The following SPACA6 variants were observed in gnomAD, a reference collection of about 807,000 sequenced individuals.
SPACA6 encodes sperm acrosome membrane-associated protein 6.
For missense variants in SPACA6, 8 were observed against 2.8 expected (o/e 2.88, Z -1.34); for synonymous variants, 6 against 1.5 (o/e 4.05, Z -2.21).
Position 51,696,772 on chromosome 19 carries a change from G to A in SPACA6, c.292+2217G>A, listed in dbSNP as rs1203833978. Among the ~76,000 whole-genome samples the A allele has an allele frequency of 2.6e-5, 4 of 152,126 alleles. No individual in the cohort carries two copies. In the South Asian group the frequency reaches 6.2e-4, roughly 24 times the overall value. On this transcript the variant is annotated intron_variant, in intron 2 of 8. Coordinates refer to ENST00000637797, the MANE Select transcript of SPACA6 (RefSeq NM_001316972.2). ...CTGGGTGATAATTTTAAATAGGTTG[G>A]TCAGGGCAGGTGGAAATGACAGGGT...
At chr19:51,701,186 C>T (rs892136523) in intron 2 of SPACA6, among the ~76,000 whole-genome samples, 1 of 152,152 alleles carries the variant, frequency 6.6e-6, no homozygotes, top group Non-Finnish European at 1.5e-5. Flanking sequence ...CGCACCACTG[C>T]ACTCCAGCCT....
chr19:51,713,070 A>G, downstream of SPACA6: 2 of 213,926 alleles, frequency 9.3e-6, no homozygotes, highest in Non-Finnish European at 1.8e-5. This position sits in a 1 kb window ranked among gnomAD's most constrained non-coding sequence, Gnocchi z 4.5. Context: ...CCAATTCTCA[A>G]TCATCCATTC....
At chr19:51,696,560 G>A (rs1390010453) in intron 2 of SPACA6, among the ~76,000 whole-genome samples, 1 of 151,836 alleles carries the variant, frequency 6.6e-6, no homozygotes, top group Non-Finnish European at 1.5e-5. Flanking sequence ...CGATCTTCCT[G>A]CCTCAGCCTC....
intron 2 of SPACA6, among the ~76,000 whole-genome samples, chr19:51,711,726 T>C (rs79215972): frequency 0.018 from 2,729 of 152,214 alleles, 36 homozygotes; most frequent in Non-Finnish European, 0.028. Context: ...AATGAATCAG[T>C]GATACATGCA....
At chr19:51,693,129 A>C, upstream of SPACA6, 1 of 389,272 alleles carries the variant, frequency 2.6e-6, no homozygotes, top group Non-Finnish European at 5.2e-6. Flanking sequence ...GCCCCTCCCG[A>C]TATCTCTCTG....
the SPACA6 span, among the ~76,000 whole-genome samples, chr19:51,683,706 G>A: frequency 6.6e-6 from 1 of 152,180 alleles, no homozygotes; most frequent in African/African-American, 2.4e-5. Flanking sequence ...GGTTTATTGT[G>A]TGCCAGGCAC....
chr19:51,686,161 A>AGAG (rs776471091), upstream of SPACA6: 1 of 152,218 alleles, frequency 6.6e-6, no homozygotes, highest in Non-Finnish European at 1.5e-5. Flanking sequence ...AGAACAGAAC[A>AGAG]GAGGCCTTAT....
In SPACA6 at chr19:51,703,356, G is replaced by A. The variant is rs2083485342; in HGVS notation, c.573+19G>A. 2 of 399,122 alleles carry A rather than the reference G, an allele frequency of 5.0e-6. No individual in the cohort carries two copies. Among genetic ancestry groups the A allele is most frequent in the African/African-American group, 2.1e-5 (1 of 48,594 alleles). 24.7% of individuals were successfully genotyped at this position (399,122 alleles called of 1,614,324 possible). On this transcript the variant is annotated intron_variant, in intron 6 of 8. Coordinates refer to ENST00000637797, the MANE Select transcript of SPACA6 (RefSeq NM_001316972.2). The surrounding 1 kb of genome is among the most constrained non-coding windows in gnomAD (Gnocchi z 4.2). ...AGGAGGTGTGAGTCGGGGCGGGGCC[G>A]GCGCGAAGAGTTTAGACGGGCGAGT...
the SPACA6 span, among the ~76,000 whole-genome samples, chr19:51,683,612 T>C: frequency 6.6e-6 from 1 of 152,198 alleles, no homozygotes; most frequent in Non-Finnish European, 1.5e-5. Flanking sequence ...AATATAAAAT[T>C]CTGTGCATGT....
Position 51,701,697 on chromosome 19 carries a change from TGAA to T in SPACA6, c.337_339del (p.Lys113del), listed in dbSNP as rs545469116. 1.9e-4 allele frequency: 77 copies of T among 398,602 alleles called. No homozygotes were observed. The highest frequency in any genetic ancestry group is 2.9e-4 in the Non-Finnish European group (66 of 226,002). 24.7% of individuals were successfully genotyped at this position (398,602 alleles called of 1,614,324 possible). On this transcript the variant is annotated inframe_deletion, in exon 3 of 9. Coordinates refer to ENST00000637797, the MANE Select transcript of SPACA6 (RefSeq NM_001316972.2). ...GCCTTCCCTGATGCTGCGGAGAAAA[TGAA>T]GAAGGTCATTACACAGCTTAAAGAA...
rs1299806247 is a variant in SPACA6, at chr19:51,703,386, C to A, written c.573+49C>A. On this transcript the variant is annotated intron_variant, in intron 6 of 8. Transcript: ENST00000637797. The surrounding 1 kb of genome is among the most constrained non-coding windows in gnomAD (Gnocchi z 4.2). ...GAAGAGTTTAGACGGGCGAGTTAGC[C>A]TTCACTAGAGGTTGGGGAGTCAGCT... 1.0e-5 allele frequency: 4 copies of A among 398,832 alleles called. No individual in the cohort carries two copies. Among genetic ancestry groups the A allele is most frequent in the African/African-American group, 2.1e-5 (1 of 48,596 alleles). The allele number at this position is 398,832 out of a possible 1,614,324, so 24.7% of individuals were successfully genotyped here.
chr19:51,702,331 G>C (rs1214001752), intron 3 of SPACA6, among the ~76,000 whole-genome samples: 1 of 152,086 alleles, frequency 6.6e-6, no homozygotes, highest in Non-Finnish European at 1.5e-5. Context: ...CCTCCTCGGT[G>C]GAATACACCT....
downstream of SPACA6, among the ~76,000 whole-genome samples, chr19:51,707,562 T>A (rs965327589): frequency 6.6e-6 from 1 of 152,158 alleles, no homozygotes; most frequent in Non-Finnish European, 1.5e-5. Flanking sequence ...TGACACTACA[T>A]GTATGGGATT....
rs892625237 is a variant in SPACA6, at chr19:51,703,289, G to A, written c.525G>A (p.Gln175=). The change falls in exon 6 of 9, where the codon CAG becomes CAA. Residue 175 remains glutamine (Q), a synonymous_variant. Transcript: ENST00000637797. The surrounding 1 kb of genome is among the most constrained non-coding windows in gnomAD (Gnocchi z 4.2). ...QAMFSCIVNF[Q]LPKEEITYSW... is the part of the protein sequence containing the mutation. The stretch of plus-strand genomic sequence containing the variant: ...TGTTTTCTTGCATCGTAAACTTCCA[G>A]CTGCCAAAGGAGGAGATCACCTATT... 15 of 399,298 alleles carry A rather than the reference G, an allele frequency of 3.8e-5. No individual in the cohort carries two copies. Among genetic ancestry groups the A allele is most frequent in the Non-Finnish European group, 4.0e-5 (9 of 226,152 alleles). The allele number at this position is 399,298 out of a possible 1,614,324, so 24.7% of individuals were successfully genotyped here.
chr19:51,698,823 G>T (rs1342759161), intron 2 of SPACA6, among the ~76,000 whole-genome samples: 1 of 152,158 alleles, frequency 6.6e-6, no homozygotes, highest in Non-Finnish European at 1.5e-5. Context: ...AGTAAGTCTT[G>T]TGGTAGGCAC....
chr19:51,712,872 C>G (rs1257663416), downstream of SPACA6, among the ~76,000 whole-genome samples: 2 of 152,132 alleles, frequency 1.3e-5, no homozygotes, highest in Admixed American at 1.3e-4. Context: ...CAGTACCTGC[C>G]AGTGTGCGGC....
At chr19:51,704,531 G>A in intron 8 of SPACA6, 51 bp downstream of exon 8, 1 of 400,930 alleles carries the variant, frequency 2.5e-6, no homozygotes, top group East Asian at 3.6e-5. Context: ...CGCTGTCTCA[G>A]ATCCCACCGA....
upstream of SPACA6, among the ~76,000 whole-genome samples, chr19:51,689,876 C>A (rs1423090768): frequency 6.6e-6 from 1 of 151,376 alleles, no homozygotes; most frequent in African/African-American, 2.4e-5. Flanking sequence ...GCGAGCTGCC[C>A]GAGCCCTCGG....
upstream of SPACA6, chr19:51,687,258 A>ATACATAC: frequency 6.8e-6 from 1 of 147,302 alleles, no homozygotes; most frequent in African/African-American, 2.5e-5. Context: ...CTCAAAAATA[A>ATACATAC]ATACATACAT....
Sources: allele counts gnomAD v4.1 joint callset (sites outside exome capture counted in the v4.1 genomes callset), GRCh38; gene constraint gnomAD v4.1.1; non-coding constraint Gnocchi (gnomAD v3.1); transcripts MANE v1.5; gene names NCBI Gene and HGNC (gene_info 2026-07-23, HGNC 2026-07-21).